NUTF2: variants seen among roughly 807,000 people sequenced by gnomAD.
The protein encoded by NUTF2 is nuclear transport factor 2.
A neutral mutation model predicts 18.5 loss-of-function variants in NUTF2; 3 were observed. The ratio of observed to expected loss-of-function variants is 0.16; its 90% confidence interval spans 0.07 to 0.42. The LOEUF is 0.42. NUTF2 is among the 10% of genes least tolerant of loss of function. The probability of loss-of-function intolerance (pLI) is 0.99; values close to 1 mark genes in which losing one functional copy is unlikely to be tolerated. For synonymous variants in NUTF2, 51 were observed against 57.9 expected, an observed-to-expected ratio of 0.88 and a Z score of 0.54; for missense variants, 44 against 160.7, an observed-to-expected ratio of 0.27 and a Z score of 3.93.
chr16:67,859,445 G>C (rs1306294125), intron 1 of NUTF2, among the ~76,000 whole-genome samples: 1 of 151,808 alleles, frequency 6.6e-6, no homozygotes, highest in Non-Finnish European at 1.5e-5. Context: ...TGCCTCCCGG[G>C]TTCAAGCGAT....
chr16:67,858,189 AC>A (rs1346981755), intron 1 of NUTF2, among the ~76,000 whole-genome samples: 3 of 152,170 alleles, frequency 2.0e-5, no homozygotes, highest in African/African-American at 7.2e-5. Context: ...TTTAATTGAG[AC>A]CGAATCTCAC....
chr16:67,859,153 G>A lies in NUTF2; in HGVS notation c.-29-5949G>A, dbSNP rs144491400. On this transcript the variant is annotated intron_variant, in intron 1 of 4. Coordinates refer to ENST00000219169, the MANE Select transcript of NUTF2 (RefSeq NM_005796.3). ...GTGTGAGCCACCACACCCGCAAGAC[G>A]CTTTTTACACTCTGGCTCCGAGGGT... Among the ~76,000 whole-genome samples the A allele has an allele frequency of 1.4e-3, 206 of 151,922 alleles. 1 individual carries two copies. Among genetic ancestry groups the A allele is most frequent in the South Asian group, 0.014 (65 of 4,806 alleles).
At chr16:67,852,341 ATCTTTTTT>A (rs2057866031) in intron 1 of NUTF2, among the ~76,000 whole-genome samples, 1 of 150,736 alleles carries the variant, frequency 6.6e-6, no homozygotes, top group African/African-American at 2.4e-5. Flanking sequence ...AAACACTATT[ATCTTTTTT>A]TCTTTTTTTT....
In NUTF2 at chr16:67,868,619, G is replaced by T. The variant is rs1276568630; in HGVS notation, c.270+20G>T. The T allele has an allele frequency of 6.2e-7, 1 of 1,605,876 alleles. No homozygotes were observed. Among genetic ancestry groups the T allele is most frequent in the East Asian group, 2.2e-5 (1 of 44,822 alleles). On this transcript the variant is annotated intron_variant, in intron 4 of 4. Coordinates refer to ENST00000219169, the MANE Select transcript of NUTF2 (RefSeq NM_005796.3). ...CTTAAGGTAATGGTACTGCCACAGT[G>T]GTAGGGAGGGGTGGGCAGGCAGAGG...
chr16:67,859,478 T>C (rs1235479899), intron 1 of NUTF2, among the ~76,000 whole-genome samples: 2 of 151,232 alleles, frequency 1.3e-5, no homozygotes, highest in Non-Finnish European at 2.9e-5. Flanking sequence ...ACCTCCTGAG[T>C]AGCTGGGATT....
At chr16:67,859,161 C>T (rs2057917658) in intron 1 of NUTF2, among the ~76,000 whole-genome samples, 1 of 151,764 alleles carries the variant, frequency 6.6e-6, no homozygotes, top group Non-Finnish European at 1.5e-5. Flanking sequence ...ACGCTTTTTA[C>T]ACTCTGGCTC....
At chr16:67,848,519 G>A (rs1567377306) in intron 1 of NUTF2, among the ~76,000 whole-genome samples, 1 of 152,122 alleles carries the variant, frequency 6.6e-6, no homozygotes, top group Non-Finnish European at 1.5e-5. Flanking sequence ...GGAGGTGGAG[G>A]TCGCAGTGAA....
chr16:67,848,757 G>T (rs199659655), intron 1 of NUTF2, among the ~76,000 whole-genome samples: 1 of 132,922 alleles, frequency 7.5e-6, no homozygotes, highest in Non-Finnish European at 1.6e-5. Context: ...AAAAGAAAAA[G>T]AAAAAAAAAA....
intron 1 of NUTF2, among the ~76,000 whole-genome samples, chr16:67,857,151 ACAAT>A (rs1182531170): frequency 1.3e-5 from 2 of 152,204 alleles, no homozygotes; most frequent in Non-Finnish European, 2.9e-5. Context: ...TGTTTACCTG[ACAAT>A]CAAGTTCATG....
intron 4 of NUTF2, chr16:67,870,048 T>A (rs1184133725): frequency 1.3e-5 from 2 of 152,268 alleles, no homozygotes; most frequent in Non-Finnish European, 2.9e-5. Context: ...GTTCAGGATG[T>A]CCTGCTCAGT....
At chr16:67,853,873 CTT>C (rs1438893674) in intron 1 of NUTF2, among the ~76,000 whole-genome samples, 1 of 152,036 alleles carries the variant, frequency 6.6e-6, no homozygotes, top group African/African-American at 2.4e-5. Flanking sequence ...TCTCAGAACT[CTT>C]GAGCTCAGGT....
chr16:67,862,814 G>T lies in NUTF2; in HGVS notation c.-29-2288G>T, dbSNP rs144861331. 1.8e-3 allele frequency among the ~76,000 whole-genome samples: 277 copies of T among 152,280 alleles called. 3 individuals are homozygous for T. In the East Asian group the frequency reaches 0.047, roughly 26 times the overall value. On this transcript the variant is annotated intron_variant, in intron 1 of 4. Transcript: ENST00000219169. Reference sequence around the variant, plus strand: ...GGCATCACTGTACCCTGACCTGGGGGACAGAGCGAGACCCTTTTCATGCCC... The same window carrying T: ...GGCATCACTGTACCCTGACCTGGGGTACAGAGCGAGACCCTTTTCATGCCC...
At chr16:67,859,477 G>A (rs184319464) in intron 1 of NUTF2, among the ~76,000 whole-genome samples, 1 of 151,762 alleles carries the variant, frequency 6.6e-6, no homozygotes, top group African/African-American at 2.4e-5. Flanking sequence ...AACCTCCTGA[G>A]TAGCTGGGAT....
At chr16:67,869,577 G>A (rs1258736566) in intron 4 of NUTF2, among the ~76,000 whole-genome samples, 1 of 151,568 alleles carries the variant, frequency 6.6e-6, no homozygotes, top group African/African-American at 2.4e-5. Context: ...CCTGAGGTCA[G>A]GAGTTTGAGA....
In NUTF2 at chr16:67,870,893, G is replaced by A. The variant is rs201657691; in HGVS notation, c.364G>A (p.Ala122Thr). The change falls in exon 5 of 5, where the codon GCC becomes ACC. Residue 122 changes from alanine to threonine, a missense_variant. Physicochemically the swap from Ala to Thr is moderately conservative, Grantham distance 58. Transcript: ENST00000219169. ...WVCTNDMFRLALHNFG is the reference protein window; with the variant it reads ...WVCTNDMFRLTLHNFG Reference sequence around the variant, plus strand: ...TTGCACCAATGACATGTTCAGGCTCGCCCTGCACAACTTTGGCTGACCTCC... The same window carrying A: ...TTGCACCAATGACATGTTCAGGCTCACCCTGCACAACTTTGGCTGACCTCC... The A allele has an allele frequency of 1.9e-6, 3 of 1,613,662 alleles. No homozygotes were observed. Among genetic ancestry groups the A allele is most frequent in the Admixed American group, 1.7e-5 (1 of 60,010 alleles).
Position 67,868,381 on chromosome 16 carries a change from G to A in NUTF2, c.141G>A (p.Gln47=). The A allele has an allele frequency of 6.2e-7, 1 of 1,614,180 alleles. No homozygotes were observed. Among genetic ancestry groups the A allele is most frequent in the South Asian group, 1.1e-5 (1 of 91,084 alleles). ...SCLTWEGQQF[Q]GKAAIVEKLS... is the part of the protein sequence containing the mutation. ...TTACGTGGGAAGGACAACAGTTCCA[G>A]GGGAAAGCTGCCATTGTGGAGAAGT... Residue 47 remains glutamine, a synonymous_variant, in exon 3 of 5, where the codon CAG becomes CAA. Transcript: ENST00000219169.
At chr16:67,849,722 G>A (rs563044973) in intron 1 of NUTF2, among the ~76,000 whole-genome samples, 2 of 151,102 alleles carry the variant, frequency 1.3e-5, no homozygotes, top group Non-Finnish European at 2.9e-5. Flanking sequence ...GCAGTGGTGC[G>A]ATCTCTGCTC....
At chr16:67,861,868 C>T (rs1459924175) in intron 1 of NUTF2, among the ~76,000 whole-genome samples, 2 of 151,784 alleles carry the variant, frequency 1.3e-5, no homozygotes, top group Admixed American at 6.6e-5. Context: ...GGACCCCTCC[C>T]TCATGTTGCA....
chr16:67,859,906 A>G (rs998098966), intron 1 of NUTF2, among the ~76,000 whole-genome samples: 1 of 146,730 alleles, frequency 6.8e-6, no homozygotes, highest in Non-Finnish European at 1.5e-5. Context: ...CTCGGGTTCA[A>G]GCAATTCTGC....
Sources: allele counts gnomAD v4.1 joint callset (sites outside exome capture counted in the v4.1 genomes callset), GRCh38; gene constraint gnomAD v4.1.1; transcripts MANE v1.5; gene names NCBI Gene and HGNC (gene_info 2026-07-23, HGNC 2026-07-21).